Variants in DENND1A observed in about 807,000 individuals in gnomAD.
The protein encoded by DENND1A is DENN domain containing 1A.
DENND1A carries 51 observed loss-of-function variants against 113.7 expected under a neutral mutation model. That is an observed-to-expected ratio of 0.45 (90% CI 0.36 to 0.57). DENND1A has a LOEUF of 0.57. Ranked by LOEUF, DENND1A falls within the 20% of genes least tolerant of loss-of-function variation. The pLI, the probability that DENND1A is intolerant of heterozygous loss-of-function variation, is 0.00. For synonymous variants in DENND1A, 565 were observed against 570.8 expected (o/e 0.99, Z 0.14); for missense variants, 1,258 against 1,395.9 (o/e 0.90, Z 1.57).
intron 12 of DENND1A, among the ~76,000 whole-genome samples, chr9:123,582,610 A>G (rs577643678): frequency 4.6e-5 from 7 of 152,252 alleles, no homozygotes; most frequent in South Asian, 4.1e-4. Context: ...CATGTTAGCC[A>G]GGATGGTCTC....
At chr9:123,793,514 A>G (rs1242882463) in intron 2 of DENND1A, among the ~76,000 whole-genome samples, 1 of 152,208 alleles carries the variant, frequency 6.6e-6, no homozygotes, top group Non-Finnish European at 1.5e-5. Flanking sequence ...GGTCAGAATA[A>G]TATCTATTTG....
intron 1 of DENND1A, among the ~76,000 whole-genome samples, chr9:123,898,542 A>G (rs1015786328): frequency 6.6e-6 from 1 of 152,022 alleles, no homozygotes; most frequent in African/African-American, 2.4e-5. Flanking sequence ...AGCCCAGGCT[A>G]GTCTCAAACT....
At chr9:123,565,700 A>G (rs939554379) in intron 12 of DENND1A, among the ~76,000 whole-genome samples, 5 of 152,218 alleles carry the variant, frequency 3.3e-5, no homozygotes, top group Non-Finnish European at 7.3e-5. Flanking sequence ...TCAGGGGCAC[A>G]AAAACATTGG....
intron 13 of DENND1A, among the ~76,000 whole-genome samples, chr9:123,478,654 T>C (rs2050104536): frequency 2.0e-5 from 3 of 152,234 alleles, no homozygotes; most frequent in Non-Finnish European, 4.4e-5. Context: ...ATGAGATGCA[T>C]TGATAGATGC....
Position 123,648,937 on chromosome 9 carries a change from T to C in DENND1A, c.618+3076A>G, listed in dbSNP as rs187377879. Among the ~76,000 whole-genome samples, 17 of 152,320 alleles carry C rather than the reference T, an allele frequency of 1.1e-4. 1 individual carries two copies. In the East Asian group the frequency reaches 3.3e-3, roughly 29 times the overall value. ...ATATACATGTGATCTGTTTTTGGGC[T>C]CTCTATTCTGTTCCATCAGCCCATA... On this transcript the variant is annotated intron_variant, in intron 9 of 23. Transcript: ENST00000394215.
chr9:123,546,907 T>A (rs1182247585), intron 13 of DENND1A, among the ~76,000 whole-genome samples: 1 of 152,274 alleles, frequency 6.6e-6, no homozygotes, highest in Non-Finnish European at 1.5e-5. Context: ...TTTGATCATA[T>A]TCAGTTATGC....
chr9:123,786,450 CA>C (rs1832192424), intron 3 of DENND1A, among the ~76,000 whole-genome samples: 1 of 152,142 alleles, frequency 6.6e-6, no homozygotes, highest in African/African-American at 2.4e-5. Context: ...CATTATTCCA[CA>C]AAACATCCTA....
At chr9:123,460,992 A>T (rs1002361221) in intron 13 of DENND1A, among the ~76,000 whole-genome samples, 2 of 152,114 alleles carry the variant, frequency 1.3e-5, no homozygotes, top group African/African-American at 4.8e-5. Flanking sequence ...GGAAAGGGAG[A>T]GCTCCTTAAC....
chr9:123,685,948 C>T (rs1196321421), intron 5 of DENND1A, among the ~76,000 whole-genome samples: 1 of 151,770 alleles, frequency 6.6e-6, no homozygotes, highest in African/African-American at 2.4e-5. Flanking sequence ...CTAACTAAGG[C>T]CCACCCTACT....
rs558110191 is a variant in DENND1A at position 123,548,768 on chromosome 9, C to T, written c.993+8802G>A. Among the ~76,000 whole-genome samples, 16 of 152,334 alleles carry T rather than the reference C, an allele frequency of 1.1e-4. No homozygotes were observed. In the South Asian group the frequency reaches 1.7e-3, roughly 16 times the overall value. On this transcript the variant is annotated intron_variant, in intron 13 of 23. Coordinates refer to ENST00000394215, the MANE Select transcript of DENND1A (RefSeq NM_001352964.2). ...TGAAGTTCTGATGCATGCTATAACA[C>T]GGATGAACCTGGTGAACATGATGCT...
chr9:123,637,515 AT>A (rs2061766631), intron 9 of DENND1A, among the ~76,000 whole-genome samples: 1 of 152,204 alleles, frequency 6.6e-6, no homozygotes, highest in Non-Finnish European at 1.5e-5. Context: ...TTTAAGCAAA[AT>A]CTGCAGGGAC....
intron 19 of DENND1A, among the ~76,000 whole-genome samples, chr9:123,430,266 G>A (rs993976842): frequency 6.6e-6 from 1 of 152,192 alleles, no homozygotes; most frequent in Non-Finnish European, 1.5e-5. Flanking sequence ...CAACCATTGT[G>A]GAAGACAGTG....
chr9:123,548,561 A>G (rs1271103671), intron 13 of DENND1A, among the ~76,000 whole-genome samples: 1 of 152,236 alleles, frequency 6.6e-6, no homozygotes, highest in African/African-American at 2.4e-5. Context: ...CTGCGCTTTT[A>G]GGTATATAGC....
intron 1 of DENND1A, among the ~76,000 whole-genome samples, chr9:123,882,595 AT>A (rs1453957974): frequency 1.3e-5 from 2 of 152,128 alleles, no homozygotes; most frequent in East Asian, 3.9e-4. Context: ...TATCACCTCG[AT>A]TACTGCAGCA....
chr9:123,509,075 T>C (rs1383711348), intron 13 of DENND1A, among the ~76,000 whole-genome samples: 1 of 152,216 alleles, frequency 6.6e-6, no homozygotes, highest in Non-Finnish European at 1.5e-5. Flanking sequence ...GCCCTGTGCC[T>C]CTGCTTGATC....
chr9:123,683,621 T>C (rs1223941149), intron 5 of DENND1A, among the ~76,000 whole-genome samples: 2 of 152,220 alleles, frequency 1.3e-5, no homozygotes, highest in Non-Finnish European at 2.9e-5. Flanking sequence ...CCCATTTAAA[T>C]TGATGCATTT....
intron 2 of DENND1A, among the ~76,000 whole-genome samples, chr9:123,820,416 A>C (rs1838264281): frequency 6.6e-6 from 1 of 152,192 alleles, no homozygotes; most frequent in Admixed American, 6.5e-5. Context: ...TGGACTTCTG[A>C]ATGCAGAGAG....
chr9:123,509,248 C>G (rs187433266), intron 13 of DENND1A, among the ~76,000 whole-genome samples: 11 of 152,130 alleles, frequency 7.2e-5, no homozygotes, highest in Admixed American at 2.6e-4. Flanking sequence ...GGAAAAGAAG[C>G]GAGGCAAACA....
At chr9:123,534,246 T>G (rs1385181744) in intron 13 of DENND1A, among the ~76,000 whole-genome samples, 2 of 152,178 alleles carry the variant, frequency 1.3e-5, no homozygotes, top group East Asian at 1.9e-4. Flanking sequence ...TTTTCTCAAT[T>G]CTGTTTCTGA....
Sources: allele counts gnomAD v4.1 joint callset (sites outside exome capture counted in the v4.1 genomes callset), GRCh38; gene constraint gnomAD v4.1.1; transcripts MANE v1.5; gene names NCBI Gene and HGNC (gene_info 2026-07-23, HGNC 2026-07-21).